Variants in CTNND2 observed in about 807,000 individuals in gnomAD.
The protein encoded by CTNND2 is catenin delta-2.
CTNND2 carries 22 observed loss-of-function variants against 144.4 expected under a neutral mutation model. That is an observed-to-expected ratio of 0.15 (90% CI 0.11 to 0.22). The LOEUF (loss-of-function observed/expected upper bound fraction) is 0.22. CTNND2 is among the 10% of genes least tolerant of loss of function. The pLI is 1.00. For synonymous variants in CTNND2, 751 were observed against 695.6 expected, an observed-to-expected ratio of 1.08 and a Z score of -1.25; for missense variants, 1,353 against 1,618.8, an observed-to-expected ratio of 0.84 and a Z score of 2.82.
At chr5:11,526,336 C>T (rs1773244375) in intron 3 of CTNND2, among the ~76,000 whole-genome samples, 1 of 152,344 alleles carries the variant, frequency 6.6e-6, no homozygotes, top group South Asian at 2.1e-4. Flanking sequence ...GCCATACAAA[C>T]TTAACTCTTG....
chr5:11,280,500 G>A lies in CTNND2; in HGVS notation c.1629-43677C>T, dbSNP rs542557578. Among the ~76,000 whole-genome samples the A allele has an allele frequency of 6.6e-5, 10 of 152,270 alleles. No individual in the cohort carries two copies. In the South Asian group the frequency reaches 1.2e-3, roughly 19 times the overall value. On this transcript the variant is annotated intron_variant, in intron 9 of 21. Coordinates refer to ENST00000304623, the MANE Select transcript of CTNND2 (RefSeq NM_001332.4). The stretch of plus-strand genomic sequence containing the variant: ...CTTCCTGCTGTGCCCTCACATGATG[G>A]AGAGAGATCAAACTCTATTTCCTCC...
intron 3 of CTNND2, among the ~76,000 whole-genome samples, chr5:11,484,412 G>C (rs1282366858): frequency 1.3e-5 from 2 of 152,180 alleles, no homozygotes; most frequent in Non-Finnish European, 2.9e-5. Flanking sequence ...TCTAAACACA[G>C]AGAACTCACA....
intron 21 of CTNND2, among the ~76,000 whole-genome samples, chr5:10,975,944 A>C (rs2149478933): frequency 6.6e-6 from 1 of 152,320 alleles, no homozygotes; most frequent in South Asian, 2.1e-4. Flanking sequence ...GCTGGGTATC[A>C]GCTTTTTCAG....
intron 3 of CTNND2, among the ~76,000 whole-genome samples, chr5:11,512,998 T>C (rs758140248): frequency 6.6e-6 from 1 of 152,198 alleles, no homozygotes; most frequent in Non-Finnish European, 1.5e-5. Context: ...CCCATACTCC[T>C]TTCCATATCT....
At chr5:11,251,865 G>A (rs1743691166) in intron 9 of CTNND2, among the ~76,000 whole-genome samples, 1 of 152,134 alleles carries the variant, frequency 6.6e-6, no homozygotes, top group Non-Finnish European at 1.5e-5. Context: ...CTAAAAATTT[G>A]CTTATGTAAA....
At chr5:11,565,204 T>A (rs780773747) in intron 2 of CTNND2, 148 bp from the exon 3 acceptor site, 26 of 645,982 alleles carry the variant, frequency 4.0e-5, no homozygotes, top group Non-Finnish European at 7.1e-5. Flanking sequence ...GATTCGAAGG[T>A]TAGACAGGCT....
chr5:11,052,985 C>T (rs1403082528), intron 16 of CTNND2, among the ~76,000 whole-genome samples: 1 of 151,154 alleles, frequency 6.6e-6, no homozygotes, highest in Non-Finnish European at 1.5e-5. Flanking sequence ...TTATATAGGG[C>T]AGTGGCTAGT....
chr5:11,237,027 T>C lies in CTNND2; in HGVS notation c.1629-204A>G, dbSNP rs61750730. On this transcript the variant is annotated intron_variant, in intron 9 of 21. Transcript: ENST00000304623. ...TAAATAGTTTTCTTTCTTTTCTTTT[T>C]TTTTTTTTTTTAGACAGAATCTCAC... is the stretch of plus-strand genomic sequence containing the variant. Among the ~76,000 whole-genome samples the C allele has an allele frequency of 0.031, 4,735 of 151,674 alleles. 111 individuals carry two copies. Among genetic ancestry groups the C allele is most frequent in the African/African-American group, 0.061 (2,536 of 41,416 alleles).
chr5:11,837,644 C>A (rs1794250478), intron 1 of CTNND2, among the ~76,000 whole-genome samples: 1 of 152,138 alleles, frequency 6.6e-6, no homozygotes, highest in Non-Finnish European at 1.5e-5. Flanking sequence ...AGGAACAAGT[C>A]AGATCCTCTG....
intron 2 of CTNND2, among the ~76,000 whole-genome samples, chr5:11,652,856 T>C (rs967952572): frequency 1.3e-5 from 2 of 152,196 alleles, no homozygotes; most frequent in Non-Finnish European, 2.9e-5. Context: ...TTTTACTCTT[T>C]GACCTATATC....
chr5:11,175,274 T>C (rs1760366724), intron 11 of CTNND2, among the ~76,000 whole-genome samples: 1 of 152,170 alleles, frequency 6.6e-6, no homozygotes, highest in African/African-American at 2.4e-5. Context: ...ATGAACATAA[T>C]AGTATTATTT....
chr5:11,082,192 T>C (rs1749644910), intron 16 of CTNND2, among the ~76,000 whole-genome samples: 1 of 152,214 alleles, frequency 6.6e-6, no homozygotes, highest in South Asian at 2.1e-4. Flanking sequence ...ATGAGTTTTG[T>C]TGAATAGACA....
intron 16 of CTNND2, among the ~76,000 whole-genome samples, chr5:11,040,084 A>C (rs1233808618): frequency 6.6e-6 from 1 of 152,014 alleles, no homozygotes; most frequent in East Asian, 1.9e-4. Context: ...AAACAAAAAA[A>C]ACTCCGAAAA....
At chr5:11,525,655 G>A (rs919767690) in intron 3 of CTNND2, among the ~76,000 whole-genome samples, 9 of 152,184 alleles carry the variant, frequency 5.9e-5, no homozygotes, top group Non-Finnish European at 1.3e-4. Flanking sequence ...TCCCTGCCCA[G>A]GGCCACTGTC....
In CTNND2 at chr5:11,152,496, C is replaced by T. The variant is rs367918996; in HGVS notation, c.2159+7080G>A. Among the ~76,000 whole-genome samples, 14 of 152,252 alleles carry T rather than the reference C, an allele frequency of 9.2e-5. 1 individual carries two copies. The highest frequency in any genetic ancestry group is 2.9e-4 in the African/African-American group (12 of 41,562). On this transcript the variant is annotated intron_variant, in intron 12 of 21. Transcript: ENST00000304623. The stretch of plus-strand genomic sequence containing the variant: ...GTGTAAGTGCGCCCTATGGTGTTTA[C>T]GGCGTTTCCATAAGAATGAAATGGA...
At chr5:11,509,867 G>A (rs1771467554) in intron 3 of CTNND2, among the ~76,000 whole-genome samples, 1 of 152,124 alleles carries the variant, frequency 6.6e-6, no homozygotes, top group Admixed American at 6.6e-5. Context: ...AGGCAGAAAT[G>A]CTTACTGTAA....
chr5:11,243,592 G>A (rs1340052911), intron 9 of CTNND2, among the ~76,000 whole-genome samples: 1 of 152,168 alleles, frequency 6.6e-6, no homozygotes, highest in African/African-American at 2.4e-5. Flanking sequence ...AATGTTAATG[G>A]AAATGGGGAT....
chr5:11,588,827 C>T (rs935056116), intron 2 of CTNND2: 22 of 985,274 alleles, frequency 2.2e-5, no homozygotes, highest in Admixed American at 6.1e-5. Context: ...TGAAGGGTTA[C>T]TCTTCCCTCC....
chr5:11,348,103 T>G (rs1352758846), intron 8 of CTNND2, among the ~76,000 whole-genome samples: 1 of 152,170 alleles, frequency 6.6e-6, no homozygotes, highest in Non-Finnish European at 1.5e-5. Flanking sequence ...GTGCATATAT[T>G]CCCAGAGGGA....
Sources: gnomAD v4.1 joint callset for allele counts (sites outside exome capture counted in the v4.1 genomes callset) on GRCh38, gnomAD v4.1.1 for gene constraint, MANE v1.5 for transcripts, NCBI Gene and HGNC (gene_info 2026-07-23, HGNC 2026-07-21) for gene names.